The following ANO9 variants were observed in gnomAD, a reference collection of about 807,000 sequenced individuals.
ANO9 encodes the protein anoctamin 9.
A neutral mutation model predicts 100.5 loss-of-function variants in ANO9; 80 were observed. The ratio of observed to expected loss-of-function variants is 0.80; its 90% CI spans 0.66 to 0.96. The LOEUF is 0.96. Among genes scored for constraint, ANO9 ranks in the 40% least tolerant of loss-of-function variants. The probability of loss-of-function intolerance (pLI) is 0.00; values close to 1 mark genes in which losing one functional copy is unlikely to be tolerated. For missense variants in ANO9, 1,064 were observed against 1,072.7 expected, an observed-to-expected ratio of 0.99 and a Z score of 0.11; for synonymous variants, 473 against 435.6, an observed-to-expected ratio of 1.09 and a Z score of -1.07.
Position 420,539 on chromosome 11 carries a change from G to T in ANO9, c.1710C>A (p.Leu570=), listed in dbSNP as rs1190910861. The T allele has an allele frequency of 1.2e-6, 2 of 1,606,366 alleles. No individual in the cohort carries two copies. The highest frequency in any genetic ancestry group is 1.3e-5 in the African/African-American group (1 of 75,048). Residue 570 remains leucine (L), a synonymous_variant, in exon 19 of 23, where the codon CTC becomes CTA. Coordinates refer to ENST00000332826, the MANE Select transcript of ANO9 (RefSeq NM_001012302.3). The stretch of plus-strand genomic sequence containing the variant: ...TGATGGCGTCCAGGCGGATCTCCAC[G>T]AGGTTGCTGAAGAGCGCGAGCAGCG... The part of the protein sequence containing the change: ...LAPLLALFSN[L]VEIRLDAIKM...
intron 1 of ANO9, among the ~76,000 whole-genome samples, chr11:439,796 G>A (rs1382751972): frequency 1.4e-5 from 2 of 142,952 alleles, no homozygotes; most frequent in Non-Finnish European, 2.9e-5. Flanking sequence ...TCCCCAGCTG[G>A]CTCTGCGCTC....
chr11:428,832 G>C lies in ANO9; in HGVS notation c.916-6C>G, dbSNP rs1227848222. 3 of 1,612,616 alleles carry C rather than the reference G, an allele frequency of 1.9e-6. No homozygotes were observed. The South Asian group carries it at 3.3e-5, about 18-fold the overall frequency. On this transcript the variant is annotated splice_region_variant and splice_polypyrimidine_tract_variant and intron_variant, in intron 11 of 22. Coordinates refer to ENST00000332826, the MANE Select transcript of ANO9 (RefSeq NM_001012302.3). ...AGCTGAAGTGCCATTTCCTCCTGGG[G>C]AGAGCACCGGGCAAGCCTCAGACAA...
In ANO9 at chr11:433,570, C is replaced by T; in HGVS notation, c.205-111G>A. On this transcript the variant is annotated intron_variant, in intron 3 of 22. Transcript: ENST00000332826. ...CAGAACCCTCCCCCCTCTATTCCGC[C>T]TCAGAACCCTCCCTTCATCTGCCGC... The T allele has an allele frequency of 7.3e-6, 11 of 1,508,604 alleles. No homozygotes were observed. In the South Asian group the frequency reaches 1.1e-4, roughly 15 times the overall value. 93.5% of individuals were successfully genotyped at this position (1,508,604 alleles called of 1,614,324 possible).
At position 418,971 on chromosome 11, in the gene ANO9, G is replaced by C. The variant is rs1848007884; in HGVS notation, c.1953C>G (p.Val651=). The C allele has an allele frequency of 6.2e-7, 1 of 1,613,110 alleles. No homozygotes were observed. The change falls in exon 21 of 23, where the codon GTC becomes GTG. Residue 651 remains valine, a synonymous_variant. Transcript: ENST00000332826. ...NSTVDCLKGY[V]NHSLSVFHTK... ...TGTGGAAGACGGACAGGCTGTGGTT[G>C]ACGTAGCCCTTGAGGCAGCTGGGGA... is the stretch of plus-strand genomic sequence containing the variant.
Position 421,127 on chromosome 11 carries a change from T to TG in ANO9, c.1392+13dup, listed in dbSNP as rs1482880675. The TG allele has an allele frequency of 1.3e-6, 2 of 1,570,366 alleles. No homozygotes were observed. The highest frequency in any genetic ancestry group is 1.4e-5 in the African/African-American group (1 of 73,958). On this transcript the variant is annotated intron_variant, in intron 16 of 22. Transcript: ENST00000332826. The surrounding 1 kb of genome is among the most constrained non-coding windows in gnomAD (Gnocchi z 6.8). Reference sequence around the variant, plus strand: ...TGGCTCAGGGACAGGGCATGAAGCCTGGGGGTGACTGACCTCTTCCAGCTT... The same window carrying TG: ...TGGCTCAGGGACAGGGCATGAAGCCTGGGGGGTGACTGACCTCTTCCAGCTT...
At chr11:427,042 C>T (rs1030465528) in intron 15 of ANO9, among the ~76,000 whole-genome samples, 8 of 152,184 alleles carry the variant, frequency 5.3e-5, no homozygotes, top group African/African-American at 1.4e-4. Flanking sequence ...CCAGGAGAGA[C>T]GTGGCCCACA....
intron 1 of ANO9, among the ~76,000 whole-genome samples, chr11:437,754 C>G (rs1025911653): frequency 6.6e-6 from 1 of 152,196 alleles, no homozygotes; most frequent in African/African-American, 2.4e-5. Flanking sequence ...AGCTTGCCTC[C>G]GTAGGGGCCC....
Position 433,297 on chromosome 11 carries a change from T to C in ANO9, c.350+17A>G, listed in dbSNP as rs1268791829. 2 of 1,609,588 alleles carry C rather than the reference T, an allele frequency of 1.2e-6. No homozygotes were observed. The highest frequency in any genetic ancestry group is 2.2e-5 in the East Asian group (1 of 44,822). ...CAAGGGGTTCTCCTGGCCACGGCTCTGGGTGCAGCCTCTCACCTCGTGGTG... is the reference window on the plus strand; with the variant it reads ...CAAGGGGTTCTCCTGGCCACGGCTCCGGGTGCAGCCTCTCACCTCGTGGTG... On this transcript the variant is annotated intron_variant, in intron 4 of 22. Coordinates refer to ENST00000332826, the MANE Select transcript of ANO9 (RefSeq NM_001012302.3).
chr11:441,516 C>A (rs781470954), intron 1 of ANO9, among the ~76,000 whole-genome samples: 10 of 152,110 alleles, frequency 6.6e-5, no homozygotes, highest in African/African-American at 2.4e-4. Flanking sequence ...CCCGCTCCCC[C>A]TTAGGGGCCA....
intron 4 of ANO9, 66 bp downstream of exon 4, chr11:433,248 G>T: frequency 6.4e-7 from 1 of 1,572,984 alleles, no homozygotes; most frequent in East Asian, 2.3e-5. Flanking sequence ...TCTCCTGCCC[G>T]GTCTGGACCA....
Position 421,297 on chromosome 11 carries a change from G to GGCGGGGCAGGCCCTGCAGGTGA in ANO9, c.1335-121_1335-100dup, listed in dbSNP as rs1848168007. 2 of 1,293,832 alleles carry GGCGGGGCAGGCCCTGCAGGTGA rather than the reference G, an allele frequency of 1.5e-6. No homozygotes were observed. The highest frequency in any genetic ancestry group is 3.0e-5 in the Admixed American group (1 of 33,048). 80.1% of individuals were successfully genotyped at this position (1,293,832 alleles called of 1,614,324 possible). A position where few individuals can be genotyped will look rare whatever the true frequency, so the allele number is the denominator to read the frequency against. On this transcript the variant is annotated intron_variant, in intron 15 of 22. Transcript: ENST00000332826. The surrounding 1 kb of genome is among the most constrained non-coding windows in gnomAD (Gnocchi z 6.8). Reference sequence around the variant, plus strand: ...AAGCGGGTAGGAAAGACACAGAACAGGCGGGGCAGGCCCTGCAGGTGAGCG... The same window carrying GGCGGGGCAGGCCCTGCAGGTGA: ...AAGCGGGTAGGAAAGACACAGAACAGGCGGGGCAGGCCCTGCAGGTGAGCGGGGCAGGCCCTGCAGGTGAGCG...
chr11:423,671 C>T (rs1848325074), intron 15 of ANO9, among the ~76,000 whole-genome samples: 1 of 151,934 alleles, frequency 6.6e-6, no homozygotes, highest in Non-Finnish European at 1.5e-5. Flanking sequence ...CCACGCCCAA[C>T]TAATTTTCTA....
At chr11:437,772 G>A (rs964105414) in intron 1 of ANO9, among the ~76,000 whole-genome samples, 8 of 152,222 alleles carry the variant, frequency 5.3e-5, no homozygotes, top group Admixed American at 2.0e-4. Context: ...CCCGGGAAGT[G>A]TTGTGTTGGA....
intron 9 of ANO9, 130 bp from the exon 10 acceptor site, chr11:429,948 G>T: frequency 2.2e-6 from 1 of 465,092 alleles, no homozygotes; most frequent in Non-Finnish European, 4.1e-6. Context: ...GTGGGCTGGG[G>T]CTGGGCCTCC....
intron 20 of ANO9, 129 bp from the exon 21 acceptor site, chr11:419,118 G>C: frequency 6.6e-7 from 1 of 1,507,390 alleles, no homozygotes; most frequent in South Asian, 1.3e-5. Context: ...ACTGCGTCCA[G>C]TGGGACGGGG....
intron 1 of ANO9, among the ~76,000 whole-genome samples, chr11:435,921 C>G (rs997386345): frequency 2.7e-5 from 4 of 150,468 alleles, no homozygotes; most frequent in African/African-American, 9.8e-5. Context: ...ATGGTCTAGT[C>G]TAGTCTAGTA....
Position 430,011 on chromosome 11 carries a change from T to C in ANO9, c.771+72A>G, listed in dbSNP as rs1848792411. ...AGCTCTGCAGGGCTCCAGGCCTTGATCTCCCCCGCTTCGGGTGGATGCACC... is the reference window on the plus strand; with the variant it reads ...AGCTCTGCAGGGCTCCAGGCCTTGACCTCCCCCGCTTCGGGTGGATGCACC... On this transcript the variant is annotated intron_variant, in intron 9 of 22. Transcript: ENST00000332826. The C allele has an allele frequency of 3.3e-6, 5 of 1,494,626 alleles. No individual in the cohort carries two copies. The African/African-American group carries it at 7.0e-5, about 21-fold the overall frequency. The allele number at this position is 1,494,626 out of a possible 1,614,324, so 92.6% of individuals were successfully genotyped here.
intron 1 of ANO9, among the ~76,000 whole-genome samples, chr11:435,193 A>G (rs1849357687): frequency 6.6e-6 from 1 of 151,782 alleles, no homozygotes; most frequent in Admixed American, 6.6e-5. Flanking sequence ...AGCATAGGAT[A>G]GCATAGCATA....
At chr11:434,232 G>C in intron 1 of ANO9, 134 bp from the exon 2 acceptor site, 1 of 1,080,164 alleles carries the variant, frequency 9.3e-7, no homozygotes, top group Admixed American at 2.6e-5. Context: ...AAAGAGTCCC[G>C]AGGAGATGGC....
Sources: allele counts gnomAD v4.1 joint callset (sites outside exome capture counted in the v4.1 genomes callset), GRCh38; gene constraint gnomAD v4.1.1; non-coding constraint Gnocchi (gnomAD v3.1); transcripts MANE v1.5; gene names NCBI Gene and HGNC (gene_info 2026-07-23, HGNC 2026-07-21).